Variants in NAGK observed in about 807,000 individuals in gnomAD.
NAGK encodes the protein N-acetyl-D-glucosamine kinase.
NAGK carries 35 observed loss-of-function variants against 42.9 expected under a neutral mutation model. The observed-to-expected ratio is 0.82, with a 90% CI of 0.62 to 1.08. NAGK has a LOEUF of 1.08. Among genes scored for constraint, NAGK ranks in the 50% least tolerant of loss-of-function variants. NAGK has a pLI of 0.00. For missense variants in NAGK, 446 were observed against 446.0 expected (o/e 1.00, Z 0.00); for synonymous variants, 172 against 176.0 (o/e 0.98, Z 0.18).
At chr2:71,070,398 C>T (rs999240) in intron 1 of NAGK, 104 bp from the exon 2 acceptor site, 11,087 of 901,740 alleles carry the variant, frequency 0.012, 95 homozygotes, top group Non-Finnish European at 0.016. Flanking sequence ...TTTGTCGAAG[C>T]TGTCTCCTCC....
chr2:71,072,992 A>G (rs1572978676), intron 5 of NAGK: 1 of 559,856 alleles, frequency 1.8e-6, no homozygotes. Context: ...CCCTCAGCAC[A>G]GGGGCCTGCC....
chr2:71,072,630 C>A lies in NAGK; in HGVS notation c.356-11C>A, dbSNP rs369077263. 12 of 1,610,694 alleles carry A rather than the reference C, an allele frequency of 7.5e-6. No individual in the cohort carries two copies. Among genetic ancestry groups the A allele is most frequent in the Non-Finnish European group, 1.0e-5 (12 of 1,177,030 alleles). ...CTCGGCCACACTGAGCCTCCTATTC[C>A]CTTTCCCCAGGTGGAGTTGTGCTCA... On this transcript the variant is annotated splice_polypyrimidine_tract_variant and intron_variant, in intron 4 of 9. Transcript: ENST00000244204.
intron 6 of NAGK, 151 bp downstream of exon 6, chr2:71,073,745 A>G: frequency 1.4e-6 from 1 of 722,040 alleles, no homozygotes; most frequent in Non-Finnish European, 2.5e-6. Flanking sequence ...ATAGGTGAGG[A>G]CAGGGTGCAT....
chr2:71,068,499 T>C (rs1049797460), upstream of NAGK: 25 of 1,427,708 alleles, frequency 1.8e-5, no homozygotes, highest in Non-Finnish European at 2.2e-5. Context: ...GAAGACAGCC[T>C]GAGGGACGCA....
At chr2:71,073,924 A>G (rs1352362804) in intron 6 of NAGK, among the ~76,000 whole-genome samples, 2 of 152,196 alleles carry the variant, frequency 1.3e-5, no homozygotes, top group Non-Finnish European at 2.9e-5. Flanking sequence ...GTGCAGGATG[A>G]GATCACAGGG....
At chr2:71,077,735 G>A in intron 9 of NAGK, 99 bp downstream of exon 9, 3 of 1,316,278 alleles carry the variant, frequency 2.3e-6, no homozygotes, top group Admixed American at 2.0e-5. Context: ...CCTGCTTCCT[G>A]GACCCTGAGG....
In NAGK at chr2:71,078,532, C is replaced by G; in HGVS notation, c.*24C>G. On this transcript the variant is annotated 3_prime_UTR_variant, in exon 10 of 10. Coordinates refer to ENST00000244204, the MANE Select transcript of NAGK (RefSeq NM_017567.6). Reference sequence around the variant, plus strand: ...AGGGGGCTGGTCCCGGCTCCACCCCCTCCAAGCTCAGTGGACACTGGGTCT... The same window carrying G: ...AGGGGGCTGGTCCCGGCTCCACCCCGTCCAAGCTCAGTGGACACTGGGTCT... The G allele has an allele frequency of 6.7e-7, 1 of 1,490,356 alleles. No homozygotes were observed. Among genetic ancestry groups the G allele is most frequent in the Non-Finnish European group, 9.0e-7 (1 of 1,114,768 alleles). 92.3% of individuals were successfully genotyped at this position (1,490,356 alleles called of 1,614,324 possible).
intron 8 of NAGK, 125 bp downstream of exon 8, chr2:71,076,826 T>C: frequency 5.0e-6 from 4 of 800,894 alleles, no homozygotes; most frequent in Non-Finnish European, 7.9e-6. Context: ...ACTTAGGGTC[T>C]AAGAAGCATT....
At chr2:71,073,331 T>TGCC in intron 5 of NAGK, 151 bp from the exon 6 acceptor site, 1 of 150,790 alleles carries the variant, frequency 6.6e-6, no homozygotes, top group Non-Finnish European at 1.3e-5. Context: ...CCCACCCCCC[T>TGCC]CTCCCACCCC....
intron 7 of NAGK, 197 bp downstream of exon 7, chr2:71,075,839 T>C (rs964989190): frequency 2.9e-5 from 17 of 588,112 alleles, no homozygotes; most frequent in Non-Finnish European, 4.3e-5. Context: ...TTGACAGTTT[T>C]GTATTACCTG....
In NAGK at chr2:71,072,749, C is replaced by T; in HGVS notation, c.464C>T (p.Ser155Leu). 6.2e-7 allele frequency: 1 copy of T among 1,612,748 alleles called. No homozygotes were observed. The highest frequency in any genetic ancestry group is 1.7e-5 in the Admixed American group (1 of 59,972). ...GWGHMMGDEG[S>L]AYWIAHQAVK... is the part of the protein sequence containing the mutation. Reference sequence around the variant, plus strand: ...GGCCATATGATGGGTGATGAGGGTTCAGGTGAGCTCACTGACTGGCCCAGC... The same window carrying T: ...GGCCATATGATGGGTGATGAGGGTTTAGGTGAGCTCACTGACTGGCCCAGC... Residue 155 changes from serine (S) to leucine (L), a missense_variant and splice_region_variant, in exon 5 of 10, where the codon TCA becomes TTA. Ser to Leu is a moderately radical substitution (Grantham distance 145, BLOSUM62 -2). Coordinates refer to ENST00000244204, the MANE Select transcript of NAGK (RefSeq NM_017567.6).
At chr2:71,078,238 G>A (rs777550633) in intron 9 of NAGK, 80 bp from the exon 10 acceptor site, 137 of 1,430,416 alleles carry the variant, frequency 9.6e-5, no homozygotes, top group Middle Eastern at 1.8e-4. Context: ...GGGTCTGGGC[G>A]TCCTTGTCTG....
rs752921991 is a variant in NAGK at position 71,078,365 on chromosome 2, T to G, written c.892T>G (p.Phe298Val). 8.1e-6 allele frequency: 13 copies of G among 1,612,960 alleles called. No individual in the cohort carries two copies. The South Asian group carries it at 1.2e-4, about 15-fold the overall frequency. ...TQGREIQAQN[F>V]FSSFTLMKLR... ...GGGCAGAGAGATCCAGGCTCAGAACTTCTTCTCCAGCTTCACCCTGATGAA... is the reference window on the plus strand; with the variant it reads ...GGGCAGAGAGATCCAGGCTCAGAACGTCTTCTCCAGCTTCACCCTGATGAA... The change falls in exon 10 of 10, where the codon TTC becomes GTC. Residue 298 changes from phenylalanine (F) to valine (V), a missense_variant. Physicochemically the swap from Phe to Val is conservative, Grantham distance 50 (BLOSUM62 -1). Coordinates refer to ENST00000244204, the MANE Select transcript of NAGK (RefSeq NM_017567.6).
At chr2:71,074,751 C>T (rs564210964) in intron 6 of NAGK, 11 of 152,234 alleles carry the variant, frequency 7.2e-5, no homozygotes, top group African/African-American at 2.4e-4. Flanking sequence ...CCCGTCTGTA[C>T]TAAAAATACA....
rs11539622 is a variant in NAGK, at chr2:71,071,796, C to A, written c.324C>A (p.Ala108=). The change falls in exon 4 of 10, where the codon GCC becomes GCA. Residue 108 remains alanine, a synonymous_variant. Transcript: ENST00000244204. ...AAAGCTACTTAATCACCACCGATGC[C>A]GCCGGCTCCATCGCCACAGCTACAC... The part of the protein sequence containing the change: ...LSESYLITTD[A]AGSIATATPD... The A allele has an allele frequency of 6.2e-7, 1 of 1,614,118 alleles. No individual in the cohort carries two copies. The highest frequency in any genetic ancestry group is 8.5e-7 in the Non-Finnish European group (1 of 1,180,022).
intron 7 of NAGK, chr2:71,076,362 C>T: frequency 7.3e-6 from 3 of 412,112 alleles, no homozygotes; most frequent in Non-Finnish European, 1.3e-5. Context: ...CCCTCCCTTC[C>T]TGAGTTGGGG....
intron 4 of NAGK, 147 bp from the exon 5 acceptor site, chr2:71,072,494 A>G (rs937143901): frequency 9.6e-6 from 6 of 626,976 alleles, no homozygotes; most frequent in African/African-American, 1.8e-5. Context: ...TCAGGCAGGA[A>G]ACTAGCTGGG....
upstream of NAGK, chr2:71,068,514 T>C (rs185180929): frequency 1.4e-3 from 1,981 of 1,443,288 alleles, 29 homozygotes; most frequent in African/African-American, 0.026. Context: ...GACGCAGCCA[T>C]CCCCGGCTCC....
At chr2:71,075,733 C>T (rs774261732) in intron 7 of NAGK, 91 bp downstream of exon 7, 1 of 1,267,250 alleles carries the variant, frequency 7.9e-7, no homozygotes, top group Non-Finnish European at 1.1e-6. Context: ...GGACTGACAA[C>T]AATTTTCCTC....
Sources: allele counts gnomAD v4.1 joint callset (sites outside exome capture counted in the v4.1 genomes callset), GRCh38; gene constraint gnomAD v4.1.1; transcripts MANE v1.5; gene names NCBI Gene and HGNC (gene_info 2026-07-23, HGNC 2026-07-21).